OPLAH: variants seen among roughly 807,000 people sequenced by gnomAD.
The protein encoded by OPLAH is 5-oxoprolinase.
OPLAH carries 103 observed loss-of-function variants against 122.8 expected under a neutral mutation model. The ratio of observed to expected loss-of-function variants is 0.84; its 90% CI spans 0.71 to 0.99. The LOEUF is 0.99. Ranked by LOEUF, OPLAH falls within the 50% of genes least tolerant of loss-of-function variation. OPLAH has a pLI of 0.00. For missense variants in OPLAH, 1,902 were observed against 1,836.5 expected (o/e 1.04, Z -0.65); for synonymous variants, 875 against 796.0 (o/e 1.10, Z -1.67).
In OPLAH at chr8:144,060,025, C is replaced by T. The variant is rs1040007405; in HGVS notation, c.8G>A (p.Ser3Asn). 5.6e-6 allele frequency: 9 copies of T among 1,611,750 alleles called. No homozygotes were observed. In the African/African-American group the frequency reaches 8.0e-5, roughly 14 times the overall value. The change falls in exon 2 of 27, where the codon AGC becomes AAC. Residue 3 changes from serine to asparagine, a missense_variant. Physicochemically the swap from Ser to Asn is conservative, Grantham distance 46 (BLOSUM62 1). This residue lies in a region of OPLAH where 168 missense variants were observed against 170.6 expected (regional missense o/e 0.98). Coordinates refer to ENST00000618853, the MANE Select transcript of OPLAH (RefSeq NM_017570.5). ...GGCAAAGTGGAAGCGGCCCTCGGGG[C>T]TGCCCATGGTGGTGGGGCTGGAGTC... MG[S>N]PEGRFHFAID...
In OPLAH at chr8:144,052,159, C is replaced by T. The variant is rs1835395635; in HGVS notation, c.3461+10G>A. Reference sequence around the variant, plus strand: ...CGGCCGTGCCCCCAGCCTCCGCGCACGCCGCTCACCGGCTCTCCAGGATCT... The same window carrying T: ...CGGCCGTGCCCCCAGCCTCCGCGCATGCCGCTCACCGGCTCTCCAGGATCT... On this transcript the variant is annotated intron_variant, in intron 24 of 26. Coordinates refer to ENST00000618853, the MANE Select transcript of OPLAH (RefSeq NM_017570.5). 6.4e-7 allele frequency: 1 copy of T among 1,557,812 alleles called. No individual in the cohort carries two copies.
At position 144,052,274 on chromosome 8, in the gene OPLAH, G is replaced by A. The variant is rs782558761; in HGVS notation, c.3356C>T (p.Thr1119Met). The stretch of plus-strand genomic sequence containing the variant: ...ACCCGCGCCCGCGCCGCCCGCCACC[G>A]TCTCGTAGTAGCCCATGTGGGCGTT... ...LGNAHMGYYETVAGGAGAGPS... is the reference protein window; with the variant it reads ...LGNAHMGYYEMVAGGAGAGPS... The change falls in exon 24 of 27, where the codon ACG (threonine) becomes ATG (methionine). Residue 1119 changes from threonine to methionine, a missense_variant. Coordinates refer to ENST00000618853, the MANE Select transcript of OPLAH (RefSeq NM_017570.5). 4 of 1,536,288 alleles carry A rather than the reference G, an allele frequency of 2.6e-6. No individual in the cohort carries two copies. In the South Asian group the frequency reaches 4.8e-5, roughly 18 times the overall value.
In OPLAH at chr8:144,058,753, C is replaced by G. The variant is rs782635876; in HGVS notation, c.587+20G>C. 6.3e-7 allele frequency: 1 copy of G among 1,585,988 alleles called. No homozygotes were observed. The highest frequency in any genetic ancestry group is 1.1e-5 in the South Asian group (1 of 88,434). On this transcript the variant is annotated intron_variant, in intron 5 of 26. Transcript: ENST00000618853. ...AGGCCCGGCACCTGCTCCCGCAGCC[C>G]ACAGCCCCACCTCACTCACGTGTAC...
At position 144,054,845 on chromosome 8, in the gene OPLAH, G is replaced by GC. The variant is rs1159155180; in HGVS notation, c.2477dup (p.Ser827GlnfsTer135). ...TAACAGTCAGGTCTGGCAGGTGGCTGCCCCCGGCACTGGGATGGTTGCTCA... is the reference window on the plus strand; with the variant it reads ...TAACAGTCAGGTCTGGCAGGTGGCTGCCCCCCGGCACTGGGATGGTTGCTCA... On this transcript the variant is annotated frameshift_variant, in exon 18 of 27. Coordinates refer to ENST00000618853, the MANE Select transcript of OPLAH (RefSeq NM_017570.5). LOFTEE classifies it high-confidence loss of function. 3 of 1,612,054 alleles carry GC rather than the reference G, an allele frequency of 1.9e-6. No homozygotes were observed. Among genetic ancestry groups the GC allele is most frequent in the Non-Finnish European group, 1.7e-6 (2 of 1,179,774 alleles).
chr8:144,057,575 G>T lies in OPLAH; in HGVS notation c.1295C>A (p.Thr432Asn). 6.3e-7 allele frequency: 1 copy of T among 1,583,296 alleles called. No homozygotes were observed. The highest frequency in any genetic ancestry group is 1.2e-5 in the South Asian group (1 of 86,608). ...GTTGGTCAGGAAGCTGTTGACCTCA[G>T]TGGCCACAGCCTCCAGGGCTTTGCG... ...ASRKALEAVA[T>N]EVNSFLTNGP... Residue 432 changes from threonine to asparagine, a missense_variant, in exon 10 of 27, where the codon ACT (threonine) becomes AAT (asparagine). Thr to Asn is a moderately conservative substitution (Grantham distance 65). Around this residue, in one of 3 missense-constraint regions of OPLAH, gnomAD observed 1,726 missense variants for 1,642.1 expected, o/e 1.05. Transcript: ENST00000618853.
intron 26 of OPLAH, 128 bp downstream of exon 26, chr8:144,051,601 G>A (rs1485131281): frequency 8.6e-7 from 1 of 1,159,864 alleles, no homozygotes; most frequent in Middle Eastern, 2.8e-4. Flanking sequence ...GGCCCGGTAC[G>A]CGCCCCCTTT....
chr8:144,051,348 C>A lies in OPLAH; in HGVS notation c.3845G>T (p.Arg1282Leu). 1 of 1,611,420 alleles carries A rather than the reference C, an allele frequency of 6.2e-7. No homozygotes were observed. The highest frequency in any genetic ancestry group is 8.5e-7 in the Non-Finnish European group (1 of 1,179,290). Reference sequence around the variant, plus strand: ...TCCTCACACGGCCTCCTGGGCCCGGCGATACTCATAGACGCTGCCGTGCTC... The same window carrying A: ...TCCTCACACGGCCTCCTGGGCCCGGAGATACTCATAGACGCTGCCGTGCTC... ...FPEHGSVYEYRRAQEAV is the reference protein window; with the variant it reads ...FPEHGSVYEYLRAQEAV Residue 1282 changes from arginine to leucine, a missense_variant, in exon 27 of 27, where the codon CGC becomes CTC. By Grantham distance (102) the Arg-to-Leu change is moderately radical. Around this residue, in one of 3 missense-constraint regions of OPLAH, gnomAD observed 1,726 missense variants for 1,642.1 expected, o/e 1.05. Coordinates refer to ENST00000618853, the MANE Select transcript of OPLAH (RefSeq NM_017570.5).
rs1386458917 is a variant in OPLAH at position 144,058,976 on chromosome 8, A to G, written c.463+4T>C. ...AAATCCCACAGCAGCGGCGGCACAC[A>G]CACCTTTCACAGGCGTCCCGGTGCC... On this transcript the variant is annotated splice_donor_region_variant and intron_variant, in intron 4 of 26. Transcript: ENST00000618853. The G allele has an allele frequency of 5.8e-6, 9 of 1,562,138 alleles. No homozygotes were observed. The African/African-American group carries it at 1.1e-4, about 19-fold the overall frequency.
At chr8:144,051,207 G>C (rs938854770), downstream of OPLAH, 10 of 1,513,666 alleles carry the variant, frequency 6.6e-6, no homozygotes, top group Middle Eastern at 3.9e-4. Context: ...GTCCTCCTAA[G>C]GCAAGCACAG....
chr8:144,061,138 C>T (rs1401233130), upstream of OPLAH, among the ~76,000 whole-genome samples: 1 of 152,264 alleles, frequency 6.6e-6, no homozygotes, highest in Admixed American at 6.5e-5. Flanking sequence ...CCGGGTCTCC[C>T]TCATCTCCAG....
intron 3 of OPLAH, among the ~76,000 whole-genome samples, 177 bp from the exon 4 acceptor site, chr8:144,059,256 G>A (rs1473456334): frequency 6.6e-6 from 1 of 152,164 alleles, no homozygotes; most frequent in Admixed American, 6.5e-5. Flanking sequence ...CCACCCCCTA[G>A]GCAGCTGAGT....
In OPLAH at chr8:144,055,001, T is replaced by TGGG. The variant is rs1835476335; in HGVS notation, c.2409+27_2409+28insCCC. On this transcript the variant is annotated intron_variant, in intron 17 of 26. Coordinates refer to ENST00000618853, the MANE Select transcript of OPLAH (RefSeq NM_017570.5). This position sits in a 1 kb window ranked among gnomAD's most constrained non-coding sequence, Gnocchi z 6.5. ...GGGGGTGGAGGGTGAGGGAGGGGGA[T>TGGG]GGAAGGGTGAGGCGGGGGAAGGGCC... is the stretch of plus-strand genomic sequence containing the variant. 8.2e-6 allele frequency: 4 copies of TGGG among 486,926 alleles called. No individual in the cohort carries two copies. The African/African-American group carries it at 2.1e-4, about 26-fold the overall frequency. 30.2% of individuals were successfully genotyped at this position (486,926 alleles called of 1,614,324 possible).
Position 144,056,184 on chromosome 8 carries a change from T to C in OPLAH, c.2059A>G (p.Lys687Glu). The change falls in exon 15 of 27, where the codon AAG (lysine) becomes GAG (glutamate). Residue 687 changes from lysine to glutamate, a missense_variant. This residue lies in a region of OPLAH where 1,726 missense variants were observed against 1,642.1 expected (regional missense o/e 1.05). Transcript: ENST00000618853. ...ATGATGAGGCAGGGCCCATGGAGCT[T>C]GTGCCCATAGCCCAGCTCTGCCAGC... ...YLLAELGYGH[K>E]LHGPCLIIDS... The C allele has an allele frequency of 6.2e-7, 1 of 1,611,642 alleles. No individual in the cohort carries two copies. The highest frequency in any genetic ancestry group is 2.2e-5 in the East Asian group (1 of 44,826).
upstream of OPLAH, among the ~76,000 whole-genome samples, chr8:144,061,523 A>G (rs782551358): frequency 8.0e-5 from 12 of 149,836 alleles, no homozygotes; most frequent in East Asian, 1.4e-3. Context: ...CTCAAAAAAA[A>G]GAAAAAAAAA....
chr8:144,057,911 A>C lies in OPLAH; in HGVS notation c.1101T>G (p.Phe367Leu). The change falls in exon 9 of 27, where the codon TTT becomes TTG. Residue 367 changes from phenylalanine to leucine, a missense_variant. Physicochemically the swap from Phe to Leu is conservative, Grantham distance 22 (BLOSUM62 0). Coordinates refer to ENST00000618853, the MANE Select transcript of OPLAH (RefSeq NM_017570.5). ...GSRLFFRSGL[F>L]VVGPESAGAH... Reference sequence around the variant, plus strand: ...CTCCTGCTGACTCGGGCCCAACCACAAAGAGGCCAGACCTAGGGGAAGGAA... The same window carrying C: ...CTCCTGCTGACTCGGGCCCAACCACCAAGAGGCCAGACCTAGGGGAAGGAA... 1 of 1,612,080 alleles carries C rather than the reference A, an allele frequency of 6.2e-7. No homozygotes were observed. The highest frequency in any genetic ancestry group is 8.5e-7 in the Non-Finnish European group (1 of 1,179,580).
Position 144,051,821 on chromosome 8 carries a change from C to G in OPLAH, c.3628G>C (p.Glu1210Gln). ...AGGTTTAGGCCGCGGGCGCCAGGCT[C>G]GCCCCCTGCGGAGGGAGGCGAGGAG... is the stretch of plus-strand genomic sequence containing the variant. ...AFRPYGLHGG[E>Q]PGARGLNLLI... The change falls in exon 26 of 27, where the codon GAG (glutamate) becomes CAG (glutamine). Residue 1210 changes from glutamate to glutamine, a missense_variant. Around this residue, in one of 3 missense-constraint regions of OPLAH, gnomAD observed 1,726 missense variants for 1,642.1 expected, o/e 1.05. Coordinates refer to ENST00000618853, the MANE Select transcript of OPLAH (RefSeq NM_017570.5). 6.3e-7 allele frequency: 1 copy of G among 1,593,494 alleles called. No homozygotes were observed. The highest frequency in any genetic ancestry group is 8.5e-7 in the Non-Finnish European group (1 of 1,173,844).
chr8:144,058,404 C>T lies in OPLAH; in HGVS notation c.784G>A (p.Asp262Asn), dbSNP rs1835582343. ...FCRGFQGQLK[D>N]VQVLFMRSDG... ...GAGCGCATGAACAACACCTGCACAT[C>T]CTGCGAGCGGGCAGCAGGCGGGCCA... Residue 262 changes from aspartate to asparagine, a missense_variant and splice_region_variant, in exon 7 of 27, where the codon GAT (aspartate) becomes AAT (asparagine). By Grantham distance (23) the Asp-to-Asn change is conservative. Transcript: ENST00000618853. The T allele has an allele frequency of 6.3e-7, 1 of 1,588,522 alleles. No homozygotes were observed. The highest frequency in any genetic ancestry group is 8.5e-7 in the Non-Finnish European group (1 of 1,171,510).
intron 24 of OPLAH, 22 bp downstream of exon 24, chr8:144,052,147 A>G (rs782239538): frequency 1.3e-6 from 2 of 1,554,856 alleles, no homozygotes; most frequent in South Asian, 2.4e-5. Context: ...CCGTGCCCCC[A>G]GCCTCCGCGC....
Position 144,053,057 on chromosome 8 carries a change from GGGGCAGGCCCCGGGC to G in OPLAH, c.2929_2943del (p.Ala977_Pro981del), listed in dbSNP as rs782582108. 96 of 1,602,856 alleles carry G rather than the reference GGGGCAGGCCCCGGGC, an allele frequency of 6.0e-5. No individual in the cohort carries two copies. The highest frequency in any genetic ancestry group is 7.7e-5 in the Non-Finnish European group (90 of 1,175,978). The stretch of plus-strand genomic sequence containing the variant: ...ATGTGGTCTTCCGAGGACACCTCCA[GGGGCAGGCCCCGGGC>G]CTGCCGGGAGGTTCCAAAGGCACGC... On this transcript the variant is annotated inframe_deletion, in exon 21 of 27. Transcript: ENST00000618853.
Sources: allele counts gnomAD v4.1 joint callset (sites outside exome capture counted in the v4.1 genomes callset), GRCh38; gene constraint gnomAD v4.1.1; regional missense constraint gnomAD v4.1.1; non-coding constraint Gnocchi (gnomAD v3.1); transcripts MANE v1.5; gene names NCBI Gene and HGNC (gene_info 2026-07-23, HGNC 2026-07-21).